The following SVIL variants were observed in gnomAD, a reference collection of about 807,000 sequenced individuals.
SVIL encodes archvillin.
In SVIL, 101 loss-of-function variants were observed where a neutral mutation model predicts 240.4. That is an observed-to-expected ratio of 0.42 (90% confidence interval 0.36 to 0.50). The LOEUF is 0.50. Ranked by LOEUF, SVIL falls within the 20% of genes least tolerant of loss-of-function variation. The pLI is 0.01. For synonymous variants in SVIL, 999 were observed against 1,100.0 expected (o/e 0.91, Z 1.82); for missense variants, 2,512 against 2,818.7 (o/e 0.89, Z 2.46).
chr10:29,486,148 T>G lies in SVIL; in HGVS notation c.4716A>C (p.Lys1572Asn). The G allele has an allele frequency of 6.2e-7, 1 of 1,614,200 alleles. No homozygotes were observed. Among genetic ancestry groups the G allele is most frequent in the South Asian group, 1.1e-5 (1 of 91,086 alleles). ...TNCIYRLMDD[K>N]LVPDDDYWGK... ...CCCAGTAGTCGTCATCAGGAACAAG[T>G]TTGTCATCCATGAGACGGTAAATGC... The change falls in exon 26 of 38, where the codon AAA becomes AAC. Residue 1572 changes from lysine to asparagine, a missense_variant. By Grantham distance (94) the Lys-to-Asn change is moderately conservative (BLOSUM62 0). Coordinates refer to ENST00000355867, the MANE Select transcript of SVIL (RefSeq NM_021738.3).
At chr10:29,550,576 T>C in intron 6 of SVIL, 21 bp downstream of exon 6, 3 of 1,579,040 alleles carry the variant, frequency 1.9e-6, no homozygotes, top group Non-Finnish European at 1.7e-6. Flanking sequence ...TCAGGGTGCT[T>C]AGCGTGGACT....
intron 7 of SVIL, among the ~76,000 whole-genome samples, 192 bp from the exon 8 acceptor site, chr10:29,533,650 A>G (rs1455129979): frequency 2.6e-5 from 4 of 152,174 alleles, no homozygotes; most frequent in Non-Finnish European, 5.9e-5. Flanking sequence ...TTGCATATGT[A>G]TGCCCAGGAG....
chr10:29,602,046 C>T (rs922355978), intron 1 of SVIL, among the ~76,000 whole-genome samples: 7 of 152,112 alleles, frequency 4.6e-5, no homozygotes, highest in African/African-American at 1.7e-4. Context: ...TTGGTATCTA[C>T]GTGAAAGATT....
At chr10:29,480,879 A>G (rs1248295940) in intron 28 of SVIL, 66 bp from the exon 29 acceptor site, 10 of 1,533,268 alleles carry the variant, frequency 6.5e-6, no homozygotes, top group Non-Finnish European at 5.3e-6. Flanking sequence ...GTCATGCTCA[A>G]TGCTGCTTCA....
At chr10:29,733,360 T>A (rs954597298) in intron 1 of SVIL, among the ~76,000 whole-genome samples, 1 of 152,206 alleles carries the variant, frequency 6.6e-6, no homozygotes, top group Non-Finnish European at 1.5e-5. Flanking sequence ...TGTCTAGCTC[T>A]GTTGCCCAGG....
rs34507610 is a variant in SVIL at position 29,562,769 on chromosome 10, GAAAAAAAAAA to G, written c.-51+422_-51+431del. Reference sequence around the variant, plus strand: ...GAGCGAGACTCCGTCTCAAAAAAAAGAAAAAAAAAAAAAAAAAAAAAAAAAAAGAGCCGTA... The same window carrying G: ...GAGCGAGACTCCGTCTCAAAAAAAAGAAAAAAAAAAAAAAAAAGAGCCGTA... On this transcript the variant is annotated intron_variant, in intron 3 of 37. Coordinates refer to ENST00000355867, the MANE Select transcript of SVIL (RefSeq NM_021738.3). Among the ~76,000 whole-genome samples the G allele has an allele frequency of 2.9e-3, 337 of 115,770 alleles. 1 individual carries two copies. The highest frequency in any genetic ancestry group is 8.3e-3 in the South Asian group (29 of 3,490). The allele number at this position is 115,770 out of a possible 152,430, so 75.9% of individuals were successfully genotyped here. A position where few individuals can be genotyped will look rare whatever the true frequency, so the allele number is the denominator to read the frequency against.
chr10:29,533,034 A>G lies in SVIL; in HGVS notation c.1333T>C (p.Phe445Leu). ...TTGCTTTGCTCGAGAGCTTCAGTGAAGCACACATCTTCTTCTTTTTCTTCT... is the reference window on the plus strand; with the variant it reads ...TTGCTTTGCTCGAGAGCTTCAGTGAGGCACACATCTTCTTCTTTTTCTTCT... ...EGEEKEEDVCFTEALEQSKKT... is the reference protein window; with the variant it reads ...EGEEKEEDVCLTEALEQSKKT... Residue 445 changes from phenylalanine (F) to leucine (L), a missense_variant, in exon 8 of 38, where the codon TTC (phenylalanine) becomes CTC (leucine). By Grantham distance (22) the Phe-to-Leu change is conservative (BLOSUM62 0). Coordinates refer to ENST00000355867, the MANE Select transcript of SVIL (RefSeq NM_021738.3). 6.2e-7 allele frequency: 1 copy of G among 1,614,066 alleles called. No individual in the cohort carries two copies. Among genetic ancestry groups the G allele is most frequent in the Non-Finnish European group, 8.5e-7 (1 of 1,180,000 alleles).
At chr10:29,702,351 C>CTTT (rs1554899560) in intron 1 of SVIL, among the ~76,000 whole-genome samples, 33,081 of 151,300 alleles carry the variant, frequency 0.22, 3,980 homozygotes, top group African/African-American at 0.28. Context: ...CAACCAGAGT[C>CTTT]TTACAGCATT....
In SVIL at chr10:29,617,291, C is replaced by G. The variant is rs189832479; in HGVS notation, c.-201+17129G>C. ...GTATTCTTTTCTGCTGTGAACCTGA[C>G]TTTTGTCAGTTACATTTGCAGGCCC... On this transcript the variant is annotated intron_variant, in intron 1 of 37. Coordinates refer to ENST00000355867, the MANE Select transcript of SVIL (RefSeq NM_021738.3). Among the ~76,000 whole-genome samples, 17 of 152,262 alleles carry G rather than the reference C, an allele frequency of 1.1e-4. No individual in the cohort carries two copies. In the East Asian group the frequency reaches 3.3e-3, roughly 29 times the overall value.
intron 1 of SVIL, among the ~76,000 whole-genome samples, chr10:29,603,603 T>C (rs1021623272): frequency 1.3e-5 from 2 of 152,124 alleles, no homozygotes; most frequent in Non-Finnish European, 2.9e-5. Context: ...TCAAATTTAA[T>C]AGAGCAGCTG....
At chr10:29,574,241 T>C (rs1955583483) in intron 1 of SVIL, among the ~76,000 whole-genome samples, 1 of 152,210 alleles carries the variant, frequency 6.6e-6, no homozygotes, top group Non-Finnish European at 1.5e-5. Flanking sequence ...AAGTTGCCTT[T>C]AGATGGGCGT....
intron 15 of SVIL, among the ~76,000 whole-genome samples, chr10:29,523,167 G>C (rs1950671630): frequency 6.6e-6 from 1 of 151,998 alleles, no homozygotes; most frequent in African/African-American, 2.4e-5. Flanking sequence ...TTCTAAAAGG[G>C]GCCACCAGAA....
At chr10:29,539,730 G>A (rs753281808) in intron 6 of SVIL, among the ~76,000 whole-genome samples, 1 of 151,996 alleles carries the variant, frequency 6.6e-6, no homozygotes, top group Admixed American at 6.6e-5. Flanking sequence ...TCACCCCCAC[G>A]ATACACAGCC....
chr10:29,658,969 G>A (rs1428344956), intron 2 of SVIL, among the ~76,000 whole-genome samples: 3 of 152,214 alleles, frequency 2.0e-5, no homozygotes, highest in Non-Finnish European at 4.4e-5. Context: ...ATTTGGCTAT[G>A]ACTTGGTCTA....
intron 7 of SVIL, among the ~76,000 whole-genome samples, chr10:29,534,028 T>A (rs941077462): frequency 6.6e-6 from 1 of 152,256 alleles, no homozygotes; most frequent in Non-Finnish European, 1.5e-5. Flanking sequence ...ACAAGCTTTT[T>A]CATGCAATGC....
In SVIL at chr10:29,470,595, C is replaced by T. The variant is rs1588845539; in HGVS notation, c.5636-112G>A. The stretch of plus-strand genomic sequence containing the variant: ...CAAGGCAGCCACCTCCGTCCAGGGC[C>T]AGGGACTTAGGGGACTGGAGGGGCT... On this transcript the variant is annotated intron_variant, in intron 31 of 37. Coordinates refer to ENST00000355867, the MANE Select transcript of SVIL (RefSeq NM_021738.3). 7 of 1,274,840 alleles carry T rather than the reference C, an allele frequency of 5.5e-6. No individual in the cohort carries two copies. In the East Asian group the frequency reaches 1.5e-4, roughly 27 times the overall value. The allele number at this position is 1,274,840 out of a possible 1,614,324, so 79.0% of individuals were successfully genotyped here. A position where few individuals can be genotyped will look rare whatever the true frequency, so the allele number is the denominator to read the frequency against.
chr10:29,491,228 G>T (rs570685865), intron 21 of SVIL, among the ~76,000 whole-genome samples: 28 of 152,186 alleles, frequency 1.8e-4, no homozygotes, highest in African/African-American at 3.1e-4. Context: ...AGCCACACCC[G>T]GATGCCCCCA....
At chr10:29,528,752 G>GC (rs199844194) in intron 12 of SVIL, among the ~76,000 whole-genome samples, 4,660 of 151,892 alleles carry the variant, frequency 0.031, 108 homozygotes, top group Non-Finnish European at 0.047. Flanking sequence ...AACAAACAAT[G>GC]CCCCCCGCAA....
chr10:29,473,538 C>G, intron 30 of SVIL: 1 of 428,016 alleles, frequency 2.3e-6, no homozygotes, highest in Admixed American at 4.2e-5. Flanking sequence ...ACTTACAGTG[C>G]CTTGATTGGT....
Sources: allele counts gnomAD v4.1 joint callset (sites outside exome capture counted in the v4.1 genomes callset), GRCh38; gene constraint gnomAD v4.1.1; transcripts MANE v1.5; gene names NCBI Gene and HGNC (gene_info 2026-07-23, HGNC 2026-07-21).